LAPTM4B: variants seen among roughly 807,000 people sequenced by gnomAD.
LAPTM4B encodes the protein lysosomal protein transmembrane 4 beta.
LAPTM4B carries 26 observed loss-of-function variants against 28.5 expected under a neutral mutation model. The observed-to-expected ratio is 0.91, with a 90% CI of 0.67 to 1.27. The LOEUF (loss-of-function observed/expected upper bound fraction) is 1.27, where lower values mean the gene tolerates loss of function less well. Ranked by LOEUF, LAPTM4B falls within the 50% of genes most tolerant of loss-of-function variation. The pLI, the probability that LAPTM4B is intolerant of heterozygous loss-of-function variation, is 0.00. For synonymous variants in LAPTM4B, 109 were observed against 106.4 expected, an observed-to-expected ratio of 1.02 and a Z score of -0.15; for missense variants, 288 against 285.8, an observed-to-expected ratio of 1.01 and a Z score of -0.06.
At chr8:97,828,127 G>A (rs1204306643) in intron 6 of LAPTM4B, among the ~76,000 whole-genome samples, 1 of 152,084 alleles carries the variant, frequency 6.6e-6, no homozygotes, top group Non-Finnish European at 1.5e-5. Flanking sequence ...CACATTCCTG[G>A]CTTTTTATAT....
intron 1 of LAPTM4B, among the ~76,000 whole-genome samples, chr8:97,785,078 A>C (rs1816380001): frequency 1.3e-5 from 2 of 151,734 alleles, no homozygotes; most frequent in South Asian, 4.2e-4. Flanking sequence ...ATATCTTTTT[A>C]AGCTTTTATC....
intron 1 of LAPTM4B, among the ~76,000 whole-genome samples, chr8:97,797,594 T>C (rs1405328314): frequency 2.0e-5 from 3 of 152,230 alleles, no homozygotes; most frequent in Non-Finnish European, 4.4e-5. Flanking sequence ...TTTTCACTAT[T>C]ATACATAAGT....
chr8:97,778,636 T>G (rs1183882716), intron 1 of LAPTM4B, among the ~76,000 whole-genome samples: 2 of 152,216 alleles, frequency 1.3e-5, no homozygotes, highest in Non-Finnish European at 2.9e-5. Flanking sequence ...GCCCCGCGTC[T>G]GTCACCTTGT....
intron 1 of LAPTM4B, among the ~76,000 whole-genome samples, chr8:97,778,132 G>C (rs1166065783): frequency 1.3e-5 from 2 of 152,172 alleles, no homozygotes; most frequent in East Asian, 1.9e-4. Context: ...TGGTGTGTTT[G>C]TCTTAACGTT....
chr8:97,787,595 A>G (rs954234597), intron 1 of LAPTM4B, among the ~76,000 whole-genome samples: 1 of 152,124 alleles, frequency 6.6e-6, no homozygotes, highest in Non-Finnish European at 1.5e-5. Context: ...ATTTCTTTTA[A>G]CAGATACACC....
chr8:97,778,312 C>T (rs1816258210), intron 1 of LAPTM4B, among the ~76,000 whole-genome samples: 2 of 143,990 alleles, frequency 1.4e-5, no homozygotes, highest in East Asian at 2.0e-4. Context: ...TCTTTTCTTT[C>T]TTTTTTTTTT....
chr8:97,825,059 G>GT lies in LAPTM4B; in HGVS notation c.511dup (p.Tyr171LeufsTer4). The GT allele has an allele frequency of 6.3e-7, 1 of 1,585,642 alleles. No homozygotes were observed. Among genetic ancestry groups the GT allele is most frequent in the Non-Finnish European group, 8.7e-7 (1 of 1,154,762 alleles). On this transcript the variant is annotated frameshift_variant and splice_region_variant, in exon 6 of 7. Transcript: ENST00000521545. LOFTEE classifies it high-confidence loss of function. ...CTGATAATCACTCCTCATTTTCAGGGTTACTTGATTAGCTGTGTTTGGAAC... is the reference window on the plus strand; with the variant it reads ...CTGATAATCACTCCTCATTTTCAGGGTTTACTTGATTAGCTGTGTTTGGAAC...
intron 6 of LAPTM4B, among the ~76,000 whole-genome samples, chr8:97,845,855 TC>T (rs143775140): frequency 2.3e-4 from 4 of 17,322 alleles, no homozygotes; most frequent in African/African-American, 6.3e-4. Flanking sequence ...CTTTTCCTTT[TC>T]CCCCCCCTTC....
intron 6 of LAPTM4B, among the ~76,000 whole-genome samples, chr8:97,829,163 G>A (rs1021514039): frequency 2.6e-5 from 4 of 152,162 alleles, no homozygotes; most frequent in African/African-American, 9.6e-5. Flanking sequence ...AGCGGGGTTT[G>A]GTAGGGGAGC....
chr8:97,848,321 G>C (rs2129861094), intron 6 of LAPTM4B, among the ~76,000 whole-genome samples: 1 of 152,194 alleles, frequency 6.6e-6, no homozygotes, highest in East Asian at 1.9e-4. Flanking sequence ...AAACGAGTTT[G>C]AAGATGAATA....
intron 6 of LAPTM4B, among the ~76,000 whole-genome samples, chr8:97,846,419 C>G (rs1817435689): frequency 6.6e-6 from 1 of 151,902 alleles, no homozygotes; most frequent in Non-Finnish European, 1.5e-5. Context: ...CCACCGCCTC[C>G]CGGGTTCAAG....
chr8:97,815,290 T>G (rs1475075323), intron 2 of LAPTM4B, 38 bp from the exon 3 acceptor site: 19 of 1,543,428 alleles, frequency 1.2e-5, no homozygotes, highest in Non-Finnish European at 1.7e-5. Context: ...CACTACTGAT[T>G]GTCTTTTTTA....
intron 5 of LAPTM4B, among the ~76,000 whole-genome samples, chr8:97,821,035 C>A (rs377393444): frequency 2.7e-5 from 4 of 150,252 alleles, no homozygotes; most frequent in African/African-American, 7.3e-5. Flanking sequence ...CTGGGGACAC[C>A]GTCTCTTAAA....
At chr8:97,827,137 A>G (rs1242980904) in intron 6 of LAPTM4B, among the ~76,000 whole-genome samples, 1 of 152,198 alleles carries the variant, frequency 6.6e-6, no homozygotes, top group African/African-American at 2.4e-5. Flanking sequence ...ATAGGTTTTC[A>G]TCCACAGTTC....
intron 3 of LAPTM4B, 25 bp from the exon 4 acceptor site, chr8:97,816,033 A>G (rs1452236161): frequency 5.3e-6 from 8 of 1,515,710 alleles, no homozygotes; most frequent in South Asian, 2.4e-5. Flanking sequence ...GAACACATTA[A>G]CTTTCTATTT....
rs761478917 is a variant in LAPTM4B at position 97,850,465 on chromosome 8, G to GGTGTGTGTGTGTGTGTGT, written c.604-925_604-908dup. 6.3e-3 allele frequency among the ~76,000 whole-genome samples: 239 copies of GGTGTGTGTGTGTGTGTGT among 37,872 alleles called. 2 individuals carry two copies. The highest frequency in any genetic ancestry group is 0.044 in the African/African-American group (224 of 5,074). 24.8% of individuals were successfully genotyped at this position (37,872 alleles called of 152,430 possible). A position where few individuals can be genotyped will look rare whatever the true frequency, so the allele number is the denominator to read the frequency against. ...GAAGTGTGTAGAGCTGGAGAGGAGG[G>GGTGTGTGTGTGTGTGTGT]GTGTGTGTGTGTGTGTGTGTGTGTT... On this transcript the variant is annotated intron_variant, in intron 6 of 6. Transcript: ENST00000521545.
chr8:97,826,489 C>G (rs1187709831), intron 6 of LAPTM4B, among the ~76,000 whole-genome samples: 1 of 151,794 alleles, frequency 6.6e-6, no homozygotes, highest in East Asian at 1.9e-4. Flanking sequence ...AATTTTTTTC[C>G]TTTTCTCTGA....
chr8:97,823,344 G>GTTTTTTTTT (rs10561869), intron 5 of LAPTM4B, among the ~76,000 whole-genome samples: 11 of 109,194 alleles, frequency 1.0e-4, no homozygotes, highest in Non-Finnish European at 1.6e-4. Context: ...ATACAATATG[G>GTTTTTTTTT]TTTTTTTTTT....
intron 1 of LAPTM4B, among the ~76,000 whole-genome samples, chr8:97,784,430 T>C (rs1446012886): frequency 6.6e-6 from 1 of 151,892 alleles, no homozygotes; most frequent in East Asian, 1.9e-4. Context: ...TTTTTTTTGG[T>C]TGTTGTTTTT....
Sources: allele counts gnomAD v4.1 joint callset (sites outside exome capture counted in the v4.1 genomes callset), GRCh38; gene constraint gnomAD v4.1.1; transcripts MANE v1.5; gene names NCBI Gene and HGNC (gene_info 2026-07-23, HGNC 2026-07-21).